Variants in IGF2BP3 observed in about 807,000 individuals in gnomAD.
IGF2BP3 encodes insulin-like growth factor 2 mRNA-binding protein 3.
Under a neutral mutation model 73.8 loss-of-function variants are expected in IGF2BP3, and 9 were observed. The ratio of observed to expected loss-of-function variants is 0.12; its 90% CI spans 0.07 to 0.21. The LOEUF (loss-of-function observed/expected upper bound fraction) is 0.21, where lower values mean the gene tolerates loss of function less well. Among genes scored for constraint, IGF2BP3 ranks in the 10% least tolerant of loss-of-function variants. The pLI, the probability that IGF2BP3 is intolerant of heterozygous loss-of-function variation, is 1.00. For synonymous variants in IGF2BP3, 258 were observed against 256.7 expected, an observed-to-expected ratio of 1.01 and a Z score of -0.05; for missense variants, 542 against 714.0, an observed-to-expected ratio of 0.76 and a Z score of 2.75.
At chr7:23,418,959 C>G (rs556210249) in intron 2 of IGF2BP3, 135 bp from the exon 3 acceptor site, 14 of 590,138 alleles carry the variant, frequency 2.4e-5, no homozygotes, top group African/African-American at 1.3e-4. Context: ...TAAGAAAATA[C>G]AGCCCAAGAA....
chr7:23,447,134 G>A (rs1192840336), intron 2 of IGF2BP3, among the ~76,000 whole-genome samples: 2 of 151,640 alleles, frequency 1.3e-5, no homozygotes, highest in African/African-American at 4.8e-5. Flanking sequence ...CCGGGAGGCA[G>A]AGGATGCAGT....
intron 2 of IGF2BP3, among the ~76,000 whole-genome samples, chr7:23,449,548 CTTTTTCTTTTTTT>C (rs1788146292): frequency 8.6e-6 from 1 of 116,352 alleles, no homozygotes; most frequent in Non-Finnish European, 1.9e-5. Context: ...TTTCCTTTTT[CTTTTTCTTTTTTT>C]TTTTTTTTTT....
chr7:23,330,327 A>T (rs1784413026), intron 10 of IGF2BP3, among the ~76,000 whole-genome samples: 1 of 148,376 alleles, frequency 6.7e-6, no homozygotes, highest in South Asian at 2.1e-4. Context: ...TATACAATAT[A>T]TATTTATATA....
At chr7:23,411,065 C>T (rs1787003029) in intron 3 of IGF2BP3, among the ~76,000 whole-genome samples, 1 of 152,240 alleles carries the variant, frequency 6.6e-6, no homozygotes. Flanking sequence ...AGAAAGGCAC[C>T]TACCGAGAAC....
chr7:23,401,282 T>C (rs1017121516), intron 3 of IGF2BP3, among the ~76,000 whole-genome samples: 1 of 152,214 alleles, frequency 6.6e-6, no homozygotes, highest in East Asian at 1.9e-4. Context: ...AGAGGAACAG[T>C]TGCGGGCCCC....
chr7:23,399,053 TAA>T (rs1343255983), intron 3 of IGF2BP3, among the ~76,000 whole-genome samples: 2 of 152,244 alleles, frequency 1.3e-5, no homozygotes, highest in African/African-American at 4.8e-5. Flanking sequence ...GTCTAACATC[TAA>T]GTCTTTAATC....
At chr7:23,428,300 T>C (rs2128540451) in intron 2 of IGF2BP3, among the ~76,000 whole-genome samples, 1 of 151,754 alleles carries the variant, frequency 6.6e-6, no homozygotes, top group East Asian at 2.0e-4. Flanking sequence ...TGAAACCCCA[T>C]CTCTACTAAA....
chr7:23,329,510 A>T (rs1784391006), intron 10 of IGF2BP3, among the ~76,000 whole-genome samples: 1 of 152,240 alleles, frequency 6.6e-6, no homozygotes. Flanking sequence ...TGAACATTTA[A>T]AATTGGTAAA....
At chr7:23,430,421 G>T (rs1159528774) in intron 2 of IGF2BP3, among the ~76,000 whole-genome samples, 1 of 152,134 alleles carries the variant, frequency 6.6e-6, no homozygotes, top group Non-Finnish European at 1.5e-5. Context: ...ATTTGGACTG[G>T]TATTTTCAAG....
At chr7:23,412,262 C>A (rs964051828) in intron 3 of IGF2BP3, among the ~76,000 whole-genome samples, 2 of 152,090 alleles carry the variant, frequency 1.3e-5, no homozygotes, top group African/African-American at 4.8e-5. Flanking sequence ...GGATTACAGG[C>A]CTGAGCCACC....
intron 3 of IGF2BP3, among the ~76,000 whole-genome samples, chr7:23,411,041 G>A (rs1242571562): frequency 2.0e-5 from 3 of 152,056 alleles, no homozygotes; most frequent in African/African-American, 7.2e-5. Context: ...CTCAAAGTCA[G>A]GCCACTGAGA....
rs564895732 is a variant in IGF2BP3, at chr7:23,314,184, A to ATTT, written c.1396-534_1396-532dup. Among the ~76,000 whole-genome samples the ATTT allele has an allele frequency of 2.7e-3, 350 of 127,846 alleles. 2 individuals carry two copies. The highest frequency in any genetic ancestry group is 9.1e-3 in the African/African-American group (318 of 34,976). The allele number at this position is 127,846 out of a possible 152,430, so 83.9% of individuals were successfully genotyped here. On this transcript the variant is annotated intron_variant, in intron 12 of 14. Coordinates refer to ENST00000258729, the MANE Select transcript of IGF2BP3 (RefSeq NM_006547.3). The stretch of plus-strand genomic sequence containing the variant: ...AGGCATGCAACACCACACCTGACTT[A>ATTT]TTTTTTTTTTTTTTTTGAGACGGAG...
At position 23,336,953 on chromosome 7, in the gene IGF2BP3, GAA is replaced by G; in HGVS notation, c.1203+5109_1203+5110del. 4.0e-5 allele frequency among the ~76,000 whole-genome samples: 5 copies of G among 125,896 alleles called. 1 individual carries two copies. The highest frequency in any genetic ancestry group is 1.5e-4 in the African/African-American group (5 of 34,198). The allele number at this position is 125,896 out of a possible 152,430, so 82.6% of individuals were successfully genotyped here. On this transcript the variant is annotated intron_variant, in intron 10 of 14. Transcript: ENST00000258729. Reference sequence around the variant, plus strand: ...ACAGGGCAAGACTCTGTCTCCAAAAGAAAAAAAAAAAAGAAGCAATGATAAGC... The same window carrying G: ...ACAGGGCAAGACTCTGTCTCCAAAAGAAAAAAAAAAGAAGCAATGATAAGC...
intron 2 of IGF2BP3, among the ~76,000 whole-genome samples, chr7:23,447,126 G>A (rs930079341): frequency 1.3e-5 from 2 of 151,006 alleles, no homozygotes; most frequent in Admixed American, 1.3e-4. Flanking sequence ...ACTTGAACCC[G>A]GGAGGCAGAG....
chr7:23,449,740 G>A (rs1423961148), intron 2 of IGF2BP3, among the ~76,000 whole-genome samples: 1 of 151,334 alleles, frequency 6.6e-6, no homozygotes, highest in East Asian at 2.0e-4. Flanking sequence ...TGTGTTTTTA[G>A]TAGAGACGGG....
intron 2 of IGF2BP3, among the ~76,000 whole-genome samples, chr7:23,438,623 A>T (rs966752089): frequency 2.6e-5 from 4 of 151,778 alleles, no homozygotes; most frequent in Non-Finnish European, 2.9e-5. Flanking sequence ...TTTTTAAAAA[A>T]TTTTTTAATT....
chr7:23,315,106 CTTTTATTTTT>C (rs1413185020), intron 12 of IGF2BP3, among the ~76,000 whole-genome samples: 2 of 151,658 alleles, frequency 1.3e-5, no homozygotes, highest in Non-Finnish European at 2.9e-5. Context: ...TGTGCCCTGC[CTTTTATTTTT>C]TTTTATTTTT....
chr7:23,378,659 C>T (rs528352873), intron 3 of IGF2BP3, among the ~76,000 whole-genome samples: 148 of 149,026 alleles, frequency 9.9e-4, no homozygotes, highest in African/African-American at 3.2e-3. Flanking sequence ...CTGCCACCTC[C>T]GCCTCCCAGG....
chr7:23,334,431 T>G (rs1784520872), intron 10 of IGF2BP3, among the ~76,000 whole-genome samples: 2 of 152,358 alleles, frequency 1.3e-5, no homozygotes, highest in South Asian at 4.1e-4. Context: ...ATTTAAATTT[T>G]TACTTGCAAA....
Sources: gnomAD v4.1 joint callset for allele counts (sites outside exome capture counted in the v4.1 genomes callset) on GRCh38, gnomAD v4.1.1 for gene constraint, MANE v1.5 for transcripts, NCBI Gene and HGNC (gene_info 2026-07-23, HGNC 2026-07-21) for gene names.